Variants in EPB41L4A observed in about 807,000 individuals in gnomAD.
EPB41L4A encodes the protein erythrocyte membrane protein band 4.1 like 4A, also known as band 4.1-like protein 4A.
In EPB41L4A, 100 loss-of-function variants were observed where a neutral mutation model predicts 108.6. The observed-to-expected ratio is 0.92, with a 90% confidence interval of 0.78 to 1.09. The LOEUF (loss-of-function observed/expected upper bound fraction) is 1.09. EPB41L4A is among the 50% of genes least tolerant of loss of function. EPB41L4A has a pLI of 0.00. For synonymous variants in EPB41L4A, 319 were observed against 289.0 expected (o/e 1.10, Z -1.05); for missense variants, 1,030 against 842.7 (o/e 1.22, Z -2.75).
At chr5:112,279,382 G>A (rs1752817727) in intron 3 of EPB41L4A, among the ~76,000 whole-genome samples, 1 of 152,104 alleles carries the variant, frequency 6.6e-6, no homozygotes, top group Admixed American at 6.5e-5. Context: ...ACTCAGAATG[G>A]GGATAATGAA....
At chr5:112,268,570 T>G (rs1752032192) in intron 4 of EPB41L4A, among the ~76,000 whole-genome samples, 1 of 152,070 alleles carries the variant, frequency 6.6e-6, no homozygotes, top group East Asian at 1.9e-4. Context: ...TATTAAGACT[T>G]TGTGCACAGT....
intron 3 of EPB41L4A, among the ~76,000 whole-genome samples, chr5:112,277,455 G>C (rs1752690926): frequency 6.6e-6 from 1 of 152,156 alleles, no homozygotes; most frequent in Non-Finnish European, 1.5e-5. Context: ...TAAAATGGCT[G>C]TGTTCTAAAT....
At chr5:112,198,986 G>A (rs1177190980) in intron 15 of EPB41L4A, among the ~76,000 whole-genome samples, 2 of 152,216 alleles carry the variant, frequency 1.3e-5, no homozygotes, top group African/African-American at 2.4e-5. Context: ...AAATGCAGGC[G>A]TTCATGGCTC....
intron 1 of EPB41L4A, among the ~76,000 whole-genome samples, chr5:112,365,819 G>C (rs1759089000): frequency 6.6e-6 from 1 of 152,152 alleles, no homozygotes; most frequent in African/African-American, 2.4e-5. Context: ...GTACTGGATT[G>C]AGAGATGCCC....
intron 1 of EPB41L4A, among the ~76,000 whole-genome samples, chr5:112,330,875 G>A (rs1756518799): frequency 6.6e-6 from 1 of 152,152 alleles, no homozygotes; most frequent in Admixed American, 6.5e-5. Flanking sequence ...CAGCAGTTAG[G>A]AGGATGGAGT....
At chr5:112,179,785 AT>A (rs1317792922) in intron 18 of EPB41L4A, among the ~76,000 whole-genome samples, 1 of 152,174 alleles carries the variant, frequency 6.6e-6, no homozygotes, top group Non-Finnish European at 1.5e-5. Flanking sequence ...TGTATTCAAC[AT>A]TGTAACTCAA....
intron 1 of EPB41L4A, among the ~76,000 whole-genome samples, chr5:112,356,606 T>C (rs2150746085): frequency 6.6e-6 from 1 of 152,356 alleles, no homozygotes; most frequent in East Asian, 1.9e-4. Flanking sequence ...TCTGCATTAT[T>C]GCCCAGAGCT....
intron 18 of EPB41L4A, among the ~76,000 whole-genome samples, chr5:112,182,668 T>G (rs1761215897): frequency 6.6e-6 from 1 of 152,198 alleles, no homozygotes; most frequent in Admixed American, 6.5e-5. Flanking sequence ...CTATTCCACA[T>G]GGAAAGGTAA....
chr5:112,223,499 A>G (rs1014774792), intron 12 of EPB41L4A, among the ~76,000 whole-genome samples: 1 of 152,210 alleles, frequency 6.6e-6, no homozygotes, highest in Non-Finnish European at 1.5e-5. Context: ...CCATCTACTC[A>G]GGAATATCTA....
At chr5:112,252,683 A>T (rs1580534305) in intron 9 of EPB41L4A, among the ~76,000 whole-genome samples, 1 of 152,030 alleles carries the variant, frequency 6.6e-6, no homozygotes, top group Non-Finnish European at 1.5e-5. Flanking sequence ...AACAACAGAC[A>T]CTGGGGACTA....
intron 12 of EPB41L4A, among the ~76,000 whole-genome samples, chr5:112,152,242 TA>T (rs1458240249): frequency 1.3e-5 from 2 of 150,322 alleles, no homozygotes; most frequent in African/African-American, 4.9e-5. Context: ...AAGAACAAAA[TA>T]AAATGGTAGA....
At position 112,419,054 on chromosome 5, in the gene EPB41L4A, T is replaced by C. The variant is rs1426337359; in HGVS notation, c.-15A>G. ...AAACAGCCCATGTCGGTTGTGGTCG[T>C]CTCCAGCCAGGAGAGAAAGCTACCA... On this transcript the variant is annotated 5_prime_UTR_variant, in exon 1 of 23. Coordinates refer to ENST00000261486, the MANE Select transcript of EPB41L4A (RefSeq NM_022140.5). 6.2e-7 allele frequency: 1 copy of C among 1,606,558 alleles called. No homozygotes were observed.
At chr5:112,361,345 C>A (rs1171714657) in intron 1 of EPB41L4A, among the ~76,000 whole-genome samples, 8 of 152,132 alleles carry the variant, frequency 5.3e-5, no homozygotes, top group Non-Finnish European at 1.2e-4. Context: ...GTCATCACCA[C>A]TCCCTAATCT....
In EPB41L4A at chr5:112,307,474, G is replaced by T; in HGVS notation, c.116C>A (p.Ser39Tyr). ...ATGGAATACGTGGTCAAGGACAACG[G>T]AACCTTTCGTTGACTTCTGCAAAAA... ...QQGIKKSTKG[S>Y]VVLDHVFHHV... Residue 39 changes from serine to tyrosine, a missense_variant, in exon 2 of 23, where the codon TCC becomes TAC. By Grantham distance (144) the Ser-to-Tyr change is moderately radical. Transcript: ENST00000261486. 6.2e-7 allele frequency: 1 copy of T among 1,612,382 alleles called. No individual in the cohort carries two copies. Among genetic ancestry groups the T allele is most frequent in the South Asian group, 1.1e-5 (1 of 90,994 alleles).
At position 112,415,180 on chromosome 5, in the gene EPB41L4A, GCTT is replaced by G. The variant is rs1762640212; in HGVS notation, c.99+3758_99+3760del. Among the ~76,000 whole-genome samples, 10 of 152,116 alleles carry G rather than the reference GCTT, an allele frequency of 6.6e-5. No individual in the cohort carries two copies. The South Asian group carries it at 2.1e-3, about 32-fold the overall frequency. ...CCCTCGCCTTATGCTTGTTTTCCTA[GCTT>G]ATTAGGAAATTTCTAACCAAAAGCA... On this transcript the variant is annotated intron_variant, in intron 1 of 22. Coordinates refer to ENST00000261486, the MANE Select transcript of EPB41L4A (RefSeq NM_022140.5).
chr5:112,218,257 G>A (rs1747798039), intron 12 of EPB41L4A, among the ~76,000 whole-genome samples: 2 of 152,230 alleles, frequency 1.3e-5, no homozygotes, highest in African/African-American at 4.8e-5. Flanking sequence ...ACTGCCAGAT[G>A]TGGTAACAGG....
chr5:112,350,162 C>A (rs1446920120), intron 1 of EPB41L4A, among the ~76,000 whole-genome samples: 1 of 152,106 alleles, frequency 6.6e-6, no homozygotes, highest in Non-Finnish European at 1.5e-5. Flanking sequence ...AATTTTAATT[C>A]ATTTGTTTAA....
intron 1 of EPB41L4A, among the ~76,000 whole-genome samples, chr5:112,359,682 A>C (rs866617825): frequency 3.3e-5 from 5 of 151,968 alleles, no homozygotes; most frequent in African/African-American, 1.2e-4. Context: ...CTGGGACTAC[A>C]GGCGCCTGCC....
At position 112,365,421 on chromosome 5, in the gene EPB41L4A, G is replaced by T. The variant is rs148693521; in HGVS notation, c.99+53520C>A. 2.7e-3 allele frequency among the ~76,000 whole-genome samples: 405 copies of T among 152,206 alleles called. 3 individuals are homozygous for T. Among genetic ancestry groups the T allele is most frequent in the African/African-American group, 9.2e-3 (384 of 41,534 alleles). ...TGGGCATAGGGAAAAAGTATGTAAA[G>T]GTTTTAATAAAATATTTCTGATTTA... On this transcript the variant is annotated intron_variant, in intron 1 of 22. Transcript: ENST00000261486.
Sources: gnomAD v4.1 joint callset for allele counts (sites outside exome capture counted in the v4.1 genomes callset) on GRCh38, gnomAD v4.1.1 for gene constraint, MANE v1.5 for transcripts, NCBI Gene and HGNC (gene_info 2026-07-23, HGNC 2026-07-21) for gene names.